CHCHD4: variants seen among roughly 807,000 people sequenced by gnomAD.
The protein encoded by CHCHD4 is coiled-coil-helix-coiled-coil-helix domain containing 4.
Under a neutral mutation model 12.4 loss-of-function variants are expected in CHCHD4, and 7 were observed. The observed-to-expected ratio is 0.57, with a 90% CI of 0.32 to 1.06. The LOEUF is 1.06. CHCHD4 is among the 50% of genes least tolerant of loss of function. CHCHD4 has a pLI of 0.04. For missense variants in CHCHD4, 143 were observed against 175.1 expected (o/e 0.82, Z 1.03); for synonymous variants, 56 against 58.0 (o/e 0.97, Z 0.16).
chr3:14,115,526 T>G (rs144028539), intron 2 of CHCHD4, among the ~76,000 whole-genome samples: 1 of 152,344 alleles, frequency 6.6e-6, no homozygotes, highest in African/African-American at 2.4e-5. Context: ...TGCTAACACT[T>G]TGTATAACGT....
chr3:14,113,233 A>T, intron 2 of CHCHD4, 39 bp from the exon 3 acceptor site: 1 of 1,532,834 alleles, frequency 6.5e-7, no homozygotes, highest in Non-Finnish European at 8.9e-7. Context: ...CTAAAGTTTC[A>T]GAAAATACAA....
rs556867734 is a variant in CHCHD4 at position 14,114,259 on chromosome 3, G to A, written c.122-1065C>T. 4.6e-5 allele frequency among the ~76,000 whole-genome samples: 7 copies of A among 152,292 alleles called. No homozygotes were observed. The South Asian group carries it at 1.4e-3, about 32-fold the overall frequency. On this transcript the variant is annotated intron_variant, in intron 2 of 2. Transcript: ENST00000396914. The stretch of plus-strand genomic sequence containing the variant: ...CTTACTTGTAAAATGGGGACAGCAA[G>A]GACGATGCCAACTAGTGCTGCCCCC...
chr3:14,114,160 G>A (rs1335565567), intron 2 of CHCHD4, among the ~76,000 whole-genome samples: 2 of 152,128 alleles, frequency 1.3e-5, no homozygotes, highest in African/African-American at 4.8e-5. Flanking sequence ...AGTCCTAGGC[G>A]AAACCCCGCC....
At chr3:14,121,906 G>C in intron 1 of CHCHD4, 1 of 1,614,160 alleles carries the variant, frequency 6.2e-7, no homozygotes, top group Non-Finnish European at 8.5e-7. Context: ...TAGAAGTTTA[G>C]CTCAACAAAC....
At chr3:14,123,631 T>C (rs1694964860) in intron 1 of CHCHD4, among the ~76,000 whole-genome samples, 1 of 152,180 alleles carries the variant, frequency 6.6e-6, no homozygotes, top group Non-Finnish European at 1.5e-5. Flanking sequence ...AAAGAATTTC[T>C]GGGGGACTTC....
chr3:14,113,073 C>G lies in CHCHD4; in HGVS notation c.243G>C (p.Glu81Asp), dbSNP rs542235418. The change falls in exon 3 of 3, where the codon GAG becomes GAC. Residue 81 changes from glutamate (E) to aspartate (D), a missense_variant. By Grantham distance (45) the Glu-to-Asp change is conservative. Coordinates refer to ENST00000396914, the MANE Select transcript of CHCHD4 (RefSeq NM_001098502.2). ...GGTCTACACAGTCTGACCCCTTGAT[C>G]TCCTCCGTGCTATAGTGGAAGCAGG... ...AFSCFHYSTE[E>D]IKGSDCVDQF... 13 of 1,614,116 alleles carry G rather than the reference C, an allele frequency of 8.1e-6. No homozygotes were observed. The South Asian group carries it at 1.4e-4, about 18-fold the overall frequency.
In CHCHD4 at chr3:14,112,688, CA is replaced by C; in HGVS notation, c.*198del. On this transcript the variant is annotated 3_prime_UTR_variant, in exon 3 of 3. Coordinates refer to ENST00000396914, the MANE Select transcript of CHCHD4 (RefSeq NM_001098502.2). ...GGCGGCCACAGGTTTGGGTAGGACA[CA>C]CATACATACAACCCCCATTTTTTTC... 1.9e-6 allele frequency: 1 copy of C among 537,800 alleles called. No homozygotes were observed. Among genetic ancestry groups the C allele is most frequent in the Non-Finnish European group, 3.2e-6 (1 of 308,138 alleles). The allele number at this position is 537,800 out of a possible 1,614,324, so 33.3% of individuals were successfully genotyped here. A position where few individuals can be genotyped will look rare whatever the true frequency, so the allele number is the denominator to read the frequency against.
In CHCHD4 at chr3:14,112,593, T is replaced by C. The variant is rs1031178966; in HGVS notation, c.*294A>G. ...AGAAACGTTCTTGGGTAATGGTTTTTAGTTGCTGAGCTTATTCAGCACATT... is the reference window on the plus strand; with the variant it reads ...AGAAACGTTCTTGGGTAATGGTTTTCAGTTGCTGAGCTTATTCAGCACATT... On this transcript the variant is annotated 3_prime_UTR_variant, in exon 3 of 3. Coordinates refer to ENST00000396914, the MANE Select transcript of CHCHD4 (RefSeq NM_001098502.2). 1.3e-5 allele frequency: 4 copies of C among 302,748 alleles called. No individual in the cohort carries two copies. The highest frequency in any genetic ancestry group is 8.5e-5 in the African/African-American group (4 of 46,870). The allele number at this position is 302,748 out of a possible 1,614,324, so 18.8% of individuals were successfully genotyped here.
At position 14,112,186 on chromosome 3, in the gene CHCHD4, T is replaced by C. The variant is rs1694828926; in HGVS notation, c.*701A>G. On this transcript the variant is annotated 3_prime_UTR_variant, in exon 3 of 3. Coordinates refer to ENST00000396914, the MANE Select transcript of CHCHD4 (RefSeq NM_001098502.2). ...CCCCACCTCTCAAGAACATTGCACCTGACTAGACTGAGAGCCAGTGTGAAC... is the reference window on the plus strand; with the variant it reads ...CCCCACCTCTCAAGAACATTGCACCCGACTAGACTGAGAGCCAGTGTGAAC... The C allele has an allele frequency of 6.6e-6, 1 of 152,208 alleles. No individual in the cohort carries two copies. The highest frequency in any genetic ancestry group is 2.1e-4 in the South Asian group (1 of 4,820). The allele number at this position is 152,208 out of a possible 1,614,324, so 9.4% of individuals were successfully genotyped here.
In CHCHD4 at chr3:14,113,129, G is replaced by A; in HGVS notation, c.187C>T (p.Pro63Ser). 1 of 1,614,018 alleles carries A rather than the reference G, an allele frequency of 6.2e-7. No individual in the cohort carries two copies. Among genetic ancestry groups the A allele is most frequent in the Non-Finnish European group, 8.5e-7 (1 of 1,179,998 alleles). ...CPCLGGMASGPCGEQFKSAFS... is the reference protein window; with the variant it reads ...CPCLGGMASGSCGEQFKSAFS... ...GCTGACTTAAACTGTTCTCCACAGG[G>A]ACCGCTGGCCATTCCCCCAAGGCAT... The change falls in exon 3 of 3, where the codon CCC (proline) becomes TCC (serine). Residue 63 changes from proline to serine, a missense_variant. By Grantham distance (74) the Pro-to-Ser change is moderately conservative. Transcript: ENST00000396914.
At position 14,116,486 on chromosome 3, in the gene CHCHD4, C is replaced by T. The variant is rs1694877568; in HGVS notation, c.61G>A (p.Glu21Lys). The change falls in exon 2 of 3, where the codon GAA becomes AAA. Residue 21 changes from glutamate (E) to lysine (K), a missense_variant. Glu to Lys is a moderately conservative substitution (Grantham distance 56, BLOSUM62 1). Transcript: ENST00000396914. ...ACCAATTCTGCACTGCTTGGAGTTT[C>T]ATGATCTTCTTTGGTTACAAATATG... ...RIIFVTKEDH[E>K]TPSSAELVAD... is the part of the protein sequence containing the mutation. 6.2e-7 allele frequency: 1 copy of T among 1,613,602 alleles called. No homozygotes were observed. Among genetic ancestry groups the T allele is most frequent in the Non-Finnish European group, 8.5e-7 (1 of 1,179,616 alleles).
At chr3:14,118,504 G>T (rs1462899491) in intron 1 of CHCHD4, among the ~76,000 whole-genome samples, 1 of 152,240 alleles carries the variant, frequency 6.6e-6, no homozygotes, top group African/African-American at 2.4e-5. Flanking sequence ...GGGACAGAGG[G>T]AGGGCACTTT....
Position 14,112,688 on chromosome 3 carries a change from C to T in CHCHD4, c.*199G>A, listed in dbSNP as rs1694833540. On this transcript the variant is annotated 3_prime_UTR_variant, in exon 3 of 3. Coordinates refer to ENST00000396914, the MANE Select transcript of CHCHD4 (RefSeq NM_001098502.2). ...GGCGGCCACAGGTTTGGGTAGGACA[C>T]ACATACATACAACCCCCATTTTTTT... 3 of 537,800 alleles carry T rather than the reference C, an allele frequency of 5.6e-6. No individual in the cohort carries two copies. The South Asian group carries it at 9.9e-5, about 18-fold the overall frequency. 33.3% of individuals were successfully genotyped at this position (537,800 alleles called of 1,614,324 possible).
intron 1 of CHCHD4, among the ~76,000 whole-genome samples, 192 bp downstream of exon 1, chr3:14,124,463 C>T (rs3733169): frequency 0.27 from 41,172 of 151,952 alleles, 5,833 homozygotes; most frequent in East Asian, 0.41. Context: ...CCGTTCCCCC[C>T]AGAGCTTCGG....
chr3:14,118,112 T>C (rs887539268), intron 1 of CHCHD4, among the ~76,000 whole-genome samples: 18 of 152,188 alleles, frequency 1.2e-4, no homozygotes, highest in African/African-American at 4.3e-4. Flanking sequence ...TGACCATGCA[T>C]TCTGATCCTA....
In CHCHD4 at chr3:14,112,584, A is replaced by C; in HGVS notation, c.*303T>G. On this transcript the variant is annotated 3_prime_UTR_variant, in exon 3 of 3. Coordinates refer to ENST00000396914, the MANE Select transcript of CHCHD4 (RefSeq NM_001098502.2). ...TCACTCACAAGAAACGTTCTTGGGT[A>C]ATGGTTTTTAGTTGCTGAGCTTATT... The C allele has an allele frequency of 3.7e-6, 1 of 272,842 alleles. No individual in the cohort carries two copies. The highest frequency in any genetic ancestry group is 6.9e-6 in the Non-Finnish European group (1 of 145,294). The allele number at this position is 272,842 out of a possible 1,614,324, so 16.9% of individuals were successfully genotyped here. A position where few individuals can be genotyped will look rare whatever the true frequency, so the allele number is the denominator to read the frequency against.
intron 1 of CHCHD4, 98 bp from the exon 2 acceptor site, chr3:14,116,622 C>T (rs1331563011): frequency 1.4e-5 from 12 of 828,110 alleles, no homozygotes; most frequent in Non-Finnish European, 1.5e-5. Context: ...TTTGAAGACT[C>T]TCCCATATGC....
intron 1 of CHCHD4, chr3:14,122,105 G>A (rs1398312663): frequency 1.3e-6 from 2 of 1,560,564 alleles, no homozygotes; most frequent in South Asian, 1.2e-5. Flanking sequence ...CAAAAGGAGG[G>A]TTTTAAGTAG....
intron 2 of CHCHD4, among the ~76,000 whole-genome samples, chr3:14,114,217 T>C (rs1388979495): frequency 6.6e-6 from 1 of 152,212 alleles, no homozygotes; most frequent in Non-Finnish European, 1.5e-5. Flanking sequence ...ATGGATCTGC[T>C]GTAGCTATTC....
Sources: gnomAD v4.1 joint callset for allele counts (sites outside exome capture counted in the v4.1 genomes callset) on GRCh38, gnomAD v4.1.1 for gene constraint, MANE v1.5 for transcripts, NCBI Gene and HGNC (gene_info 2026-07-23, HGNC 2026-07-21) for gene names.